NCALD: variants seen among roughly 807,000 people sequenced by gnomAD.
The protein encoded by NCALD is neurocalcin delta, also known as neurocalcin-delta.
In NCALD, 10 loss-of-function variants were observed where a neutral mutation model predicts 18.6. The observed-to-expected ratio is 0.54, with a 90% CI of 0.33 to 0.91. The LOEUF (loss-of-function observed/expected upper bound fraction) is 0.91. Among genes scored for constraint, NCALD ranks in the 40% least tolerant of loss-of-function variants. The pLI is 0.03. For missense variants in NCALD, 184 were observed against 247.6 expected (o/e 0.74, Z 1.72); for synonymous variants, 88 against 87.4 (o/e 1.01, Z -0.04).
At chr8:102,067,448 AACACACAC>A (rs59878811) in intron 1 of NCALD, among the ~76,000 whole-genome samples, 1 of 150,786 alleles carries the variant, frequency 6.6e-6, no homozygotes, top group Non-Finnish European at 1.5e-5. Flanking sequence ...TCTTGTCCCA[AACACACAC>A]ACACACACAC....
rs1821541909 is a variant in NCALD at position 102,003,091 on chromosome 8, G to C, written c.-157+17146C>G. Among the ~76,000 whole-genome samples, 6 of 152,212 alleles carry C rather than the reference G, an allele frequency of 3.9e-5. No individual in the cohort carries two copies. In the South Asian group the frequency reaches 8.3e-4, roughly 21 times the overall value. ...CTTCAAAAAATCAATGAATCCAGGA[G>C]CTGGTTTCTTGAAAAGATCAACAAA... is the stretch of plus-strand genomic sequence containing the variant. On this transcript the variant is annotated intron_variant, in intron 2 of 6. Coordinates refer to the NCALD transcript ENST00000311028.
chr8:102,017,273 C>T (rs945010164), intron 2 of NCALD, among the ~76,000 whole-genome samples: 1 of 151,908 alleles, frequency 6.6e-6, no homozygotes, highest in Non-Finnish European at 1.5e-5. Flanking sequence ...TTATTCTTGA[C>T]CCTTATCTCA....
rs1026049429 is a variant in NCALD at position 101,899,995 on chromosome 8, A to G, written c.-106-12768T>C. The stretch of plus-strand genomic sequence containing the variant: ...GGAATTTTCTAGAGAAACCATCTGG[A>G]CCTGGAACTTTCTGTTTTGGGAGTT... On this transcript the variant is annotated intron_variant, in intron 3 of 6. Transcript: ENST00000311028. 3.9e-5 allele frequency among the ~76,000 whole-genome samples: 6 copies of G among 152,044 alleles called. No individual in the cohort carries two copies. The East Asian group carries it at 9.6e-4, about 24-fold the overall frequency.
chr8:101,773,664 G>A (rs1398590647), intron 1 of NCALD, among the ~76,000 whole-genome samples: 1 of 152,208 alleles, frequency 6.6e-6, no homozygotes, highest in Admixed American at 6.5e-5. Flanking sequence ...AGAGGCCCCA[G>A]CAGTGGCATT....
At chr8:101,729,648 G>C (rs185785607) in intron 1 of NCALD, among the ~76,000 whole-genome samples, 22 of 152,266 alleles carry the variant, frequency 1.4e-4, no homozygotes, top group Non-Finnish European at 2.2e-4. Context: ...TGAGCAAGAG[G>C]CTCACTAGAA....
intron 3 of NCALD, among the ~76,000 whole-genome samples, chr8:101,890,827 GCA>G (rs1427650383): frequency 6.6e-6 from 1 of 152,190 alleles, no homozygotes; most frequent in Non-Finnish European, 1.5e-5. Flanking sequence ...AGAAACTCTT[GCA>G]CACTTTCCCA....
At chr8:101,774,190 T>C (rs117913330) in intron 1 of NCALD, among the ~76,000 whole-genome samples, 4,199 of 152,312 alleles carry the variant, frequency 0.028, 95 homozygotes, top group Middle Eastern at 0.048. Context: ...ATATTTCCTC[T>C]GGAGAGCAAC....
chr8:102,112,109 A>C (rs1825658767), intron 1 of NCALD, among the ~76,000 whole-genome samples: 1 of 152,226 alleles, frequency 6.6e-6, no homozygotes, highest in Non-Finnish European at 1.5e-5. Context: ...AAATTCAAAT[A>C]TTTGTGATAC....
intron 4 of NCALD, among the ~76,000 whole-genome samples, chr8:101,878,904 T>A (rs1165353944): frequency 2.6e-5 from 4 of 152,198 alleles, no homozygotes; most frequent in African/African-American, 9.6e-5. Flanking sequence ...ATTACGATGA[T>A]GAAAAAAAGC....
At chr8:101,987,093 G>A (rs1268532360) in intron 2 of NCALD, among the ~76,000 whole-genome samples, 1 of 152,204 alleles carries the variant, frequency 6.6e-6, no homozygotes, top group Admixed American at 6.5e-5. Flanking sequence ...TCATGTCACA[G>A]ATGAAGACAG....
chr8:101,764,358 T>G (rs985635523), intron 1 of NCALD, among the ~76,000 whole-genome samples: 1 of 152,154 alleles, frequency 6.6e-6, no homozygotes. Flanking sequence ...AAGGGGAGTA[T>G]CACAGCAAGG....
At chr8:101,930,625 G>A (rs1818539613) in intron 2 of NCALD, among the ~76,000 whole-genome samples, 1 of 151,858 alleles carries the variant, frequency 6.6e-6, no homozygotes, top group Non-Finnish European at 1.5e-5. Context: ...AATAAATTAG[G>A]AGAGCTCACA....
intron 2 of NCALD, among the ~76,000 whole-genome samples, chr8:101,923,518 T>C (rs910219479): frequency 6.6e-6 from 1 of 152,220 alleles, no homozygotes; most frequent in Non-Finnish European, 1.5e-5. Context: ...AGTTCTGACA[T>C]CTATGTCAAG....
intron 4 of NCALD, among the ~76,000 whole-genome samples, chr8:101,796,215 A>G (rs1812633202): frequency 6.6e-6 from 1 of 152,184 alleles, no homozygotes; most frequent in Non-Finnish European, 1.5e-5. Flanking sequence ...CTTTCTGACT[A>G]CCTTCCAGAA....
At chr8:101,816,294 G>T (rs1813493627) in intron 4 of NCALD, among the ~76,000 whole-genome samples, 1 of 152,076 alleles carries the variant, frequency 6.6e-6, no homozygotes, top group Admixed American at 6.6e-5. Flanking sequence ...TATGCAAGAA[G>T]GAGACTCTAA....
intron 1 of NCALD, among the ~76,000 whole-genome samples, chr8:101,733,818 G>T (rs1316438851): frequency 6.6e-6 from 1 of 152,218 alleles, no homozygotes. Flanking sequence ...AGAGTGGACT[G>T]CCAGACCCCC....
chr8:102,025,302 TC>T, intron 1 of NCALD, among the ~76,000 whole-genome samples: 1 of 152,230 alleles, frequency 6.6e-6, no homozygotes, highest in South Asian at 2.1e-4. Context: ...GGAAATTTGG[TC>T]TTTGCTACAT....
intron 1 of NCALD, among the ~76,000 whole-genome samples, chr8:102,099,906 A>T (rs1445203592): frequency 1.3e-5 from 2 of 151,658 alleles, no homozygotes; most frequent in Admixed American, 1.3e-4. Context: ...CGGGAGACAG[A>T]GGTTGCAGTG....
chr8:102,010,789 G>A (rs1393878098), intron 2 of NCALD, among the ~76,000 whole-genome samples: 1 of 152,204 alleles, frequency 6.6e-6, no homozygotes, highest in East Asian at 1.9e-4. Flanking sequence ...ATTATCAGGT[G>A]ATGGGGACTT....
Sources: allele counts gnomAD v4.1 joint callset (sites outside exome capture counted in the v4.1 genomes callset), GRCh38; gene constraint gnomAD v4.1.1; transcripts MANE v1.5; gene names NCBI Gene and HGNC (gene_info 2026-07-23, HGNC 2026-07-21).